FANCC: variants seen among roughly 807,000 people sequenced by gnomAD.
FANCC encodes the protein FA complementation group C.
A neutral mutation model predicts 71.3 loss-of-function variants in FANCC; 55 were observed. The observed-to-expected ratio is 0.77, with a 90% CI of 0.62 to 0.97. The LOEUF (loss-of-function observed/expected upper bound fraction) is 0.97. Among genes scored for constraint, FANCC ranks in the 50% least tolerant of loss-of-function variants. The pLI is 0.00. For missense variants in FANCC, 678 were observed against 670.9 expected, an observed-to-expected ratio of 1.01 and a Z score of -0.12; for synonymous variants, 275 against 244.9, an observed-to-expected ratio of 1.12 and a Z score of -1.15.
chr9:95,145,795 C>T (rs1323855018), intron 7 of FANCC, among the ~76,000 whole-genome samples: 2 of 152,158 alleles, frequency 1.3e-5, no homozygotes, highest in African/African-American at 2.4e-5. Flanking sequence ...GCTCCAGAGG[C>T]ACGCACCCTT....
chr9:95,134,731 G>A (rs573976863), intron 8 of FANCC, among the ~76,000 whole-genome samples: 8 of 152,328 alleles, frequency 5.3e-5, no homozygotes, highest in East Asian at 1.9e-4. Context: ...CAGTGGTGGC[G>A]AGGGCCACTG....
At chr9:95,253,626 T>C (rs550408494) in intron 1 of FANCC, among the ~76,000 whole-genome samples, 1 of 152,312 alleles carries the variant, frequency 6.6e-6, no homozygotes, top group South Asian at 2.1e-4. Flanking sequence ...TGGAAAATTC[T>C]CAGTAATTAC....
chr9:95,235,810 C>T (rs926237925), intron 4 of FANCC, among the ~76,000 whole-genome samples: 5 of 137,572 alleles, frequency 3.6e-5, no homozygotes, highest in African/African-American at 1.4e-4. Flanking sequence ...CGCCATTGCA[C>T]TCCAACCTGG....
chr9:95,124,592 T>C (rs2134904297), intron 10 of FANCC, among the ~76,000 whole-genome samples: 1 of 152,332 alleles, frequency 6.6e-6, no homozygotes, highest in Middle Eastern at 3.4e-3. Context: ...CCAGTCACTC[T>C]TACCACCTCC....
chr9:95,273,634 G>A (rs368136245), intron 1 of FANCC, among the ~76,000 whole-genome samples: 12 of 152,268 alleles, frequency 7.9e-5, no homozygotes, highest in East Asian at 1.9e-4. Context: ...CAGCTTGCAC[G>A]TCTTTTATGC....
intron 4 of FANCC, among the ~76,000 whole-genome samples, chr9:95,228,079 A>G (rs1053146530): frequency 6.6e-6 from 1 of 152,092 alleles, no homozygotes; most frequent in Non-Finnish European, 1.5e-5. Context: ...GTAAAATGCA[A>G]TAAAATCACC....
At chr9:95,279,873 G>A (rs1368041491) in intron 1 of FANCC, among the ~76,000 whole-genome samples, 2 of 148,546 alleles carry the variant, frequency 1.3e-5, no homozygotes, top group African/African-American at 5.0e-5. Flanking sequence ...GCTTGAACCT[G>A]AGAGGCGGAG....
intron 4 of FANCC, among the ~76,000 whole-genome samples, chr9:95,221,197 A>G (rs192310140): frequency 6.6e-6 from 1 of 152,146 alleles, no homozygotes; most frequent in Non-Finnish European, 1.5e-5. Context: ...GCCTGGCGAC[A>G]GAGCATCTGA....
intron 7 of FANCC, among the ~76,000 whole-genome samples, chr9:95,144,514 A>C (rs532574150): frequency 6.6e-6 from 1 of 152,314 alleles, no homozygotes; most frequent in East Asian, 1.9e-4. Flanking sequence ...TTCTCTGGGC[A>C]CGTCGCCTGG....
intron 4 of FANCC, among the ~76,000 whole-genome samples, chr9:95,188,332 C>A (rs571308770): frequency 1.3e-5 from 2 of 152,264 alleles, no homozygotes; most frequent in East Asian, 3.9e-4. Flanking sequence ...GCACACAGCG[C>A]GTGGGTTAAT....
At chr9:95,268,311 A>G (rs1832514994) in intron 1 of FANCC, among the ~76,000 whole-genome samples, 1 of 152,196 alleles carries the variant, frequency 6.6e-6, no homozygotes, top group South Asian at 2.1e-4. Context: ...TTCCTTATTC[A>G]CCATCATGGT....
At chr9:95,237,710 A>C (rs1443706222) in intron 4 of FANCC, among the ~76,000 whole-genome samples, 1 of 152,264 alleles carries the variant, frequency 6.6e-6, no homozygotes, top group East Asian at 1.9e-4. Context: ...TCAACCCTAC[A>C]TTTTATAAAA....
intron 1 of FANCC, among the ~76,000 whole-genome samples, chr9:95,267,571 T>C (rs1324938076): frequency 6.6e-6 from 1 of 152,112 alleles, no homozygotes; most frequent in African/African-American, 2.4e-5. Context: ...AAGAAATAAA[T>C]GCAACTAACA....
intron 3 of FANCC, among the ~76,000 whole-genome samples, chr9:95,241,945 C>A (rs1247625231): frequency 6.6e-6 from 1 of 152,204 alleles, no homozygotes; most frequent in Non-Finnish European, 1.5e-5. Context: ...CAGGCATGAG[C>A]CACCGTGCCT....
intron 1 of FANCC, among the ~76,000 whole-genome samples, chr9:95,252,304 AAG>A (rs1333215435): frequency 6.6e-6 from 1 of 151,188 alleles, no homozygotes; most frequent in East Asian, 2.0e-4. Context: ...AGAAAAAAAA[AAG>A]AAACAAAGAA....
At chr9:95,257,062 C>T (rs1327418098) in intron 1 of FANCC, among the ~76,000 whole-genome samples, 3 of 152,186 alleles carry the variant, frequency 2.0e-5, no homozygotes, top group Non-Finnish European at 4.4e-5. Flanking sequence ...TACAAAGAGA[C>T]TCAGACTCCC....
intron 1 of FANCC, chr9:95,294,147 T>G: frequency 6.2e-7 from 1 of 1,605,134 alleles, no homozygotes; most frequent in Non-Finnish European, 8.5e-7. Flanking sequence ...GTAATCTGCC[T>G]GCTCAGACAT....
intron 1 of FANCC, among the ~76,000 whole-genome samples, chr9:95,262,064 A>G (rs533039815): frequency 4.9e-4 from 75 of 152,272 alleles, no homozygotes; most frequent in African/African-American, 1.7e-3. Flanking sequence ...GTTAAGTACT[A>G]TTTTATGAAC....
In FANCC at chr9:95,304,178, A is replaced by G. The variant is rs201339952; in HGVS notation, c.-79+13348T>C. Among the ~76,000 whole-genome samples, 21 of 152,350 alleles carry G rather than the reference A, an allele frequency of 1.4e-4. No homozygotes were observed. The East Asian group carries it at 2.9e-3, about 21-fold the overall frequency. On this transcript the variant is annotated intron_variant, in intron 1 of 14. Coordinates refer to ENST00000289081, the MANE Select transcript of FANCC (RefSeq NM_000136.3). ...TGACTAGAAATAATTCATCTCCCAC[A>G]CATTCTGCTTTAGGAAGATACTAGA...
Sources: gnomAD v4.1 joint callset for allele counts (sites outside exome capture counted in the v4.1 genomes callset) on GRCh38, gnomAD v4.1.1 for gene constraint, MANE v1.5 for transcripts, NCBI Gene and HGNC (gene_info 2026-07-23, HGNC 2026-07-21) for gene names.